Variants in DPP10 observed in about 807,000 individuals in gnomAD.
The protein encoded by DPP10 is inactive dipeptidyl peptidase 10.
Under a neutral mutation model 120.9 loss-of-function variants are expected in DPP10, and 33 were observed. The ratio of observed to expected loss-of-function variants is 0.27; its 90% CI spans 0.21 to 0.37. DPP10 has a LOEUF of 0.37. DPP10 is among the 10% of genes least tolerant of loss of function. The probability of loss-of-function intolerance (pLI) is 1.00; values close to 1 mark genes in which losing one functional copy is unlikely to be tolerated. For missense variants in DPP10, 816 were observed against 942.8 expected, an observed-to-expected ratio of 0.87 and a Z score of 1.76; for synonymous variants, 337 against 326.1, an observed-to-expected ratio of 1.03 and a Z score of -0.36.
At chr2:115,027,930 G>T (rs146369999) in intron 1 of DPP10, among the ~76,000 whole-genome samples, 1 of 151,852 alleles carries the variant, frequency 6.6e-6, no homozygotes, top group Non-Finnish European at 1.5e-5. Context: ...ACGATTCTTT[G>T]TATTTCTGTA....
chr2:114,834,700 A>G (rs151220904), intron 1 of DPP10, among the ~76,000 whole-genome samples: 2,070 of 36,626 alleles, frequency 0.057, 386 homozygotes, highest in South Asian at 0.11. Flanking sequence ...TATAAGACAT[A>G]TCTACACACC....
intron 1 of DPP10, among the ~76,000 whole-genome samples, chr2:115,235,752 G>A (rs968329084): frequency 1.3e-5 from 2 of 152,096 alleles, no homozygotes; most frequent in African/African-American, 4.8e-5. Context: ...GCAGAGATGG[G>A]ATTTCACCAT....
intron 3 of DPP10, among the ~76,000 whole-genome samples, chr2:115,447,700 TCTC>T: frequency 6.6e-6 from 1 of 152,292 alleles, no homozygotes; most frequent in South Asian, 2.1e-4. Context: ...GGGACTTGCT[TCTC>T]CTCATCTTCT....
At chr2:115,374,920 C>T (rs994326619) in intron 3 of DPP10, among the ~76,000 whole-genome samples, 1 of 152,224 alleles carries the variant, frequency 6.6e-6, no homozygotes, top group African/African-American at 2.4e-5. Context: ...CCTGCTAGGC[C>T]TCTGGGCCTG....
At chr2:115,565,755 TTTTTG>T (rs2080964216) in intron 5 of DPP10, among the ~76,000 whole-genome samples, 1 of 138,746 alleles carries the variant, frequency 7.2e-6, no homozygotes, top group South Asian at 2.4e-4. Context: ...TGGGTTTTTT[TTTTTG>T]TTTGTTTTGT....
chr2:115,279,720 G>A (rs1482801452), intron 1 of DPP10, among the ~76,000 whole-genome samples: 1 of 114,888 alleles, frequency 8.7e-6, no homozygotes, highest in African/African-American at 3.3e-5. Flanking sequence ...GGAGTGCAGT[G>A]GTGCAATCTT....
At chr2:114,927,711 T>C (rs542304271) in intron 1 of DPP10, among the ~76,000 whole-genome samples, 24 of 152,302 alleles carry the variant, frequency 1.6e-4, no homozygotes, top group African/African-American at 5.5e-4. Context: ...CCATTTTGTG[T>C]TGCAATAAAG....
chr2:114,535,356 A>G (rs549609661), intron 1 of DPP10, among the ~76,000 whole-genome samples: 2 of 152,348 alleles, frequency 1.3e-5, no homozygotes, highest in East Asian at 3.9e-4. Context: ...TTCAAGCACT[A>G]AAAGTGCTGG....
At chr2:115,420,973 A>G (rs933168695) in intron 3 of DPP10, among the ~76,000 whole-genome samples, 2 of 152,230 alleles carry the variant, frequency 1.3e-5, no homozygotes, top group Non-Finnish European at 2.9e-5. Context: ...TTTTATTGTT[A>G]TAAGATATAT....
intron 3 of DPP10, among the ~76,000 whole-genome samples, chr2:115,419,527 C>T (rs934178973): frequency 6.6e-6 from 1 of 152,060 alleles, no homozygotes; most frequent in Admixed American, 6.6e-5. Flanking sequence ...GGGAAGGCAC[C>T]AAGCCATTCA....
intron 1 of DPP10, among the ~76,000 whole-genome samples, chr2:115,270,111 C>CACACACAG (rs2059632727): frequency 7.3e-6 from 1 of 136,858 alleles, no homozygotes; most frequent in Non-Finnish European, 1.6e-5. Context: ...CACACACACA[C>CACACACAG]ACAGACACAC....
intron 5 of DPP10, among the ~76,000 whole-genome samples, chr2:115,642,856 TAGAG>T (rs1211987215): frequency 6.6e-6 from 1 of 152,078 alleles, no homozygotes; most frequent in Non-Finnish European, 1.5e-5. Context: ...TATAGATATA[TAGAG>T]AGAGATTTAA....
At chr2:114,676,972 T>C (rs1698712048) in intron 1 of DPP10, among the ~76,000 whole-genome samples, 2 of 152,072 alleles carry the variant, frequency 1.3e-5, no homozygotes, top group Admixed American at 1.3e-4. Context: ...TCACTTAACT[T>C]ATACTCAAGG....
intron 5 of DPP10, among the ~76,000 whole-genome samples, chr2:115,686,032 G>A (rs968364113): frequency 6.6e-6 from 1 of 152,050 alleles, no homozygotes; most frequent in Non-Finnish European, 1.5e-5. Flanking sequence ...CAATTGAGTT[G>A]CTTGTTGTCT....
intron 1 of DPP10, chr2:115,065,711 C>T (rs1442248239): frequency 2.0e-5 from 3 of 151,866 alleles, no homozygotes; most frequent in African/African-American, 7.3e-5. Flanking sequence ...CTACTTTGTT[C>T]TTTTGATTTT....
chr2:115,701,079 T>C (rs920774786), intron 7 of DPP10, among the ~76,000 whole-genome samples: 5 of 152,100 alleles, frequency 3.3e-5, no homozygotes, highest in Non-Finnish European at 5.9e-5. Flanking sequence ...TTTGCAGATA[T>C]AGAAAAGCCT....
intron 1 of DPP10, among the ~76,000 whole-genome samples, chr2:115,294,351 C>T (rs7563349): frequency 0.035 from 5,270 of 152,078 alleles, 288 homozygotes; most frequent in African/African-American, 0.12. Context: ...TATCAGGCTT[C>T]GTTAACACTA....
At chr2:115,241,143 C>T (rs768266187) in intron 1 of DPP10, among the ~76,000 whole-genome samples, 1 of 152,166 alleles carries the variant, frequency 6.6e-6, no homozygotes, top group Non-Finnish European at 1.5e-5. Context: ...GTGGCAGGCA[C>T]CTGTAATTCC....
chr2:114,873,607 T>G (rs1299781679), intron 1 of DPP10, among the ~76,000 whole-genome samples: 4 of 152,082 alleles, frequency 2.6e-5, no homozygotes, highest in Admixed American at 2.6e-4. Context: ...ACTGCTTGGG[T>G]CAAAGAGGTT....
Sources: allele counts gnomAD v4.1 joint callset (sites outside exome capture counted in the v4.1 genomes callset), GRCh38; gene constraint gnomAD v4.1.1; transcripts MANE v1.5; gene names NCBI Gene and HGNC (gene_info 2026-07-23, HGNC 2026-07-21).